The following NELL1 variants were observed in gnomAD, a reference collection of about 807,000 sequenced individuals.
NELL1 encodes the protein protein kinase C-binding protein NELL1.
A neutral mutation model predicts 107.4 loss-of-function variants in NELL1; 76 were observed. The ratio of observed to expected loss-of-function variants is 0.71; its 90% CI spans 0.59 to 0.86. The LOEUF (loss-of-function observed/expected upper bound fraction) is 0.86, where lower values mean the gene tolerates loss of function less well. Among genes scored for constraint, NELL1 ranks in the 40% least tolerant of loss-of-function variants. The pLI is 0.00. For synonymous variants in NELL1, 353 were observed against 341.2 expected (o/e 1.03, Z -0.38); for missense variants, 1,024 against 1,005.5 (o/e 1.02, Z -0.25).
chr11:20,693,111 C>G (rs1276625145), intron 2 of NELL1, among the ~76,000 whole-genome samples: 1 of 151,582 alleles, frequency 6.6e-6, no homozygotes, highest in Admixed American at 6.6e-5. Flanking sequence ...ATTGCAACCC[C>G]TGCCTTTTTT....
At position 21,565,215 on chromosome 11, in the gene NELL1, C is replaced by A. The variant is rs113736152; in HGVS notation, c.1980+4833C>A. Among the ~76,000 whole-genome samples, 195 of 151,954 alleles carry A rather than the reference C, an allele frequency of 1.3e-3. 3 individuals are homozygous for A. The highest frequency in any genetic ancestry group is 4.0e-3 in the African/African-American group (165 of 41,500). On this transcript the variant is annotated intron_variant, in intron 17 of 19. Transcript: ENST00000357134. ...CAAGCTGTAAGATTGTGTTTCTTTT[C>A]CTTGGAAAGAGGAACTTATTGGTAG...
rs190731729 is a variant in NELL1, at chr11:21,360,519, A to G, written c.1550-10334A>G. ...CTGTTAAGTCCATTTGTTCTAGGGT[A>G]TAGTTTAAGTCTATTTTTTCTTTGT... On this transcript the variant is annotated intron_variant, in intron 14 of 19. Transcript: ENST00000357134. 1.1e-3 allele frequency among the ~76,000 whole-genome samples: 168 copies of G among 152,182 alleles called. 1 individual carries two copies. The highest frequency in any genetic ancestry group is 3.9e-3 in the African/African-American group (161 of 41,542).
intron 4 of NELL1, among the ~76,000 whole-genome samples, chr11:20,882,564 T>G (rs990026874): frequency 2.0e-5 from 3 of 152,214 alleles, no homozygotes; most frequent in Non-Finnish European, 4.4e-5. Context: ...CAAACAGTAT[T>G]GTTATTTTGA....
intron 12 of NELL1, among the ~76,000 whole-genome samples, chr11:20,985,312 A>T (rs928407303): frequency 1.3e-5 from 2 of 152,176 alleles, no homozygotes; most frequent in African/African-American, 4.8e-5. Context: ...ATGTTTTCTT[A>T]GTTTATCTGC....
intron 14 of NELL1, among the ~76,000 whole-genome samples, chr11:21,368,873 G>A (rs529996615): frequency 3.2e-4 from 49 of 152,018 alleles, no homozygotes; most frequent in Non-Finnish European, 4.4e-4. Flanking sequence ...ACTATGTGCC[G>A]AACACCATTT....
intron 12 of NELL1, among the ~76,000 whole-genome samples, chr11:21,077,279 CA>C (rs755442560): frequency 1.3e-4 from 20 of 151,792 alleles, no homozygotes; most frequent in Non-Finnish European, 2.4e-4. Context: ...TTACAGGCAA[CA>C]AAAGGCAATT....
chr11:21,012,957 G>GT (rs1216809240), intron 12 of NELL1, among the ~76,000 whole-genome samples: 1 of 148,326 alleles, frequency 6.7e-6, no homozygotes, highest in Non-Finnish European at 1.5e-5. Flanking sequence ...ATCCTGAGCC[G>GT]TAATTTCTAA....
intron 16 of NELL1, among the ~76,000 whole-genome samples, chr11:21,559,926 C>T (rs566392628): frequency 2.0e-5 from 3 of 152,232 alleles, no homozygotes; most frequent in Non-Finnish European, 4.4e-5. Context: ...AGATCAGCCA[C>T]TTACTAGCTC....
intron 14 of NELL1, among the ~76,000 whole-genome samples, chr11:21,312,944 C>G (rs2133649426): frequency 6.6e-6 from 1 of 152,122 alleles, no homozygotes; most frequent in South Asian, 2.1e-4. Context: ...TAGCAATAGT[C>G]TCCCACCTGT....
At chr11:20,926,850 C>T (rs1850507309) in intron 7 of NELL1, among the ~76,000 whole-genome samples, 1 of 152,112 alleles carries the variant, frequency 6.6e-6, no homozygotes, top group Non-Finnish European at 1.5e-5. Context: ...AGACAGAAGG[C>T]AGTGACTTCC....
At chr11:21,001,947 T>C (rs1852231707) in intron 12 of NELL1, among the ~76,000 whole-genome samples, 1 of 152,180 alleles carries the variant, frequency 6.6e-6, no homozygotes, top group African/African-American at 2.4e-5. Flanking sequence ...AGAGTGTCTG[T>C]TAGAGTCCCA....
intron 13 of NELL1, among the ~76,000 whole-genome samples, chr11:21,201,716 G>A (rs1857274329): frequency 6.6e-6 from 1 of 152,142 alleles, no homozygotes; most frequent in Non-Finnish European, 1.5e-5. Context: ...GTTTTCAAAG[G>A]GAATGCTTCC....
chr11:20,708,022 T>A (rs1442493543), intron 2 of NELL1, among the ~76,000 whole-genome samples: 1 of 152,238 alleles, frequency 6.6e-6, no homozygotes, highest in African/African-American at 2.4e-5. Context: ...CTGCTTTGTT[T>A]ACCTACTTAA....
chr11:21,222,767 A>T (rs1362867463), intron 13 of NELL1, among the ~76,000 whole-genome samples: 1 of 152,026 alleles, frequency 6.6e-6, no homozygotes, highest in Admixed American at 6.6e-5. Flanking sequence ...TATGATTTCC[A>T]TCTTAATTTC....
At chr11:20,899,003 A>G (rs1347879603) in intron 5 of NELL1, among the ~76,000 whole-genome samples, 1 of 152,142 alleles carries the variant, frequency 6.6e-6, no homozygotes, top group Non-Finnish European at 1.5e-5. Flanking sequence ...ACATATATGC[A>G]TAGTAGGTAA....
intron 14 of NELL1, among the ~76,000 whole-genome samples, chr11:21,298,541 C>T (rs966011247): frequency 6.6e-6 from 1 of 151,932 alleles, no homozygotes; most frequent in African/African-American, 2.4e-5. Context: ...AAGGAGCCTG[C>T]AGGAGTTTCT....
intron 14 of NELL1, among the ~76,000 whole-genome samples, chr11:21,269,396 G>C (rs1480676719): frequency 1.3e-5 from 2 of 148,600 alleles, no homozygotes; most frequent in Non-Finnish European, 3.0e-5. Flanking sequence ...ACACACAGAG[G>C]CATATCCTAT....
At chr11:20,700,459 A>G (rs1170951459) in intron 2 of NELL1, among the ~76,000 whole-genome samples, 1 of 152,114 alleles carries the variant, frequency 6.6e-6, no homozygotes, top group Non-Finnish European at 1.5e-5. Flanking sequence ...AGCCTGAGCA[A>G]CAGAGTGAGA....
chr11:21,006,326 T>C (rs1298148882), intron 12 of NELL1, among the ~76,000 whole-genome samples: 2 of 152,154 alleles, frequency 1.3e-5, no homozygotes, highest in African/African-American at 2.4e-5. Flanking sequence ...CCTCTCACCA[T>C]GCGATGCCTT....
Sources: gnomAD v4.1 joint callset for allele counts (sites outside exome capture counted in the v4.1 genomes callset) on GRCh38, gnomAD v4.1.1 for gene constraint, MANE v1.5 for transcripts, NCBI Gene and HGNC (gene_info 2026-07-23, HGNC 2026-07-21) for gene names.